Variants in FBXO4 observed in about 807,000 individuals in gnomAD.
FBXO4 encodes the protein F-box only protein 4.
Under a neutral mutation model 43.7 loss-of-function variants are expected in FBXO4, and 36 were observed. The ratio of observed to expected loss-of-function variants is 0.82; its 90% confidence interval spans 0.63 to 1.09. The LOEUF (loss-of-function observed/expected upper bound fraction) is 1.09. Among genes scored for constraint, FBXO4 ranks in the 50% least tolerant of loss-of-function variants. The pLI, the probability that FBXO4 is intolerant of heterozygous loss-of-function variation, is 0.00. For synonymous variants in FBXO4, 180 were observed against 165.6 expected, an observed-to-expected ratio of 1.09 and a Z score of -0.67; for missense variants, 435 against 474.1, an observed-to-expected ratio of 0.92 and a Z score of 0.77.
chr5:42,011,499 T>A, the FBXO4 span, among the ~76,000 whole-genome samples: 6 of 152,218 alleles, frequency 3.9e-5, no homozygotes, highest in Non-Finnish European at 7.3e-5. Context: ...ATACCCAGCT[T>A]CAGGTATTCT....
the FBXO4 span, among the ~76,000 whole-genome samples, chr5:41,958,518 C>G: frequency 6.6e-6 from 1 of 152,168 alleles, no homozygotes; most frequent in African/African-American, 2.4e-5. Flanking sequence ...TCTTGTCTAA[C>G]CGAAATTTTG....
the FBXO4 span, among the ~76,000 whole-genome samples, chr5:41,965,237 A>G: frequency 1.8e-3 from 280 of 152,086 alleles, 1 homozygote; most frequent in Non-Finnish European, 3.1e-3. Context: ...TGTTCCATTG[A>G]TCTATATCTC....
chr5:41,934,221 A>G lies in FBXO4; in HGVS notation c.811A>G (p.Ser271Gly). Residue 271 changes from serine to glycine, a missense_variant, in exon 5 of 7, where the codon AGC becomes GGC. By Grantham distance (56) the Ser-to-Gly change is moderately conservative. Transcript: ENST00000281623. ...RHNEGDDQQGSRYSVIPQIQK... is the reference protein window; with the variant it reads ...RHNEGDDQQGGRYSVIPQIQK... The stretch of plus-strand genomic sequence containing the variant: ...CAATGAAGGTGATGATCAACAAGGA[A>G]GCCGGTACAGTGTGATTCCACAGAT... 6.2e-7 allele frequency: 1 copy of G among 1,614,176 alleles called. No homozygotes were observed. The highest frequency in any genetic ancestry group is 1.1e-5 in the South Asian group (1 of 91,078).
the FBXO4 span, among the ~76,000 whole-genome samples, chr5:41,999,550 T>TAC: frequency 6.0e-5 from 8 of 133,848 alleles, 1 homozygote; most frequent in African/African-American, 2.0e-4. Context: ...TATATGTATA[T>TAC]ATATATATAT....
At chr5:42,022,317 T>C in the FBXO4 span, among the ~76,000 whole-genome samples, 1 of 152,158 alleles carries the variant, frequency 6.6e-6, no homozygotes, top group Non-Finnish European at 1.5e-5. Flanking sequence ...AATTTTATTA[T>C]TGGGCAAAGC....
chr5:42,014,657 A>G, the FBXO4 span, among the ~76,000 whole-genome samples: 1 of 152,144 alleles, frequency 6.6e-6, no homozygotes, highest in Non-Finnish European at 1.5e-5. Flanking sequence ...ACTTAGCTCA[A>G]TGCCTGGCCC....
chr5:41,995,772 C>A, the FBXO4 span, among the ~76,000 whole-genome samples: 1 of 152,202 alleles, frequency 6.6e-6, no homozygotes, highest in East Asian at 1.9e-4. Flanking sequence ...ACCAATTTTC[C>A]AATCATGCTT....
chr5:41,963,310 A>T, the FBXO4 span, among the ~76,000 whole-genome samples: 3 of 152,070 alleles, frequency 2.0e-5, no homozygotes, highest in Non-Finnish European at 4.4e-5. Context: ...TTTTTTTTAA[A>T]TACCTTCGGT....
At chr5:42,015,178 C>A in the FBXO4 span, among the ~76,000 whole-genome samples, 1 of 152,138 alleles carries the variant, frequency 6.6e-6, no homozygotes, top group Non-Finnish European at 1.5e-5. Context: ...CAATTATAAA[C>A]AATTTCACAA....
chr5:42,038,663 A>G, the FBXO4 span, among the ~76,000 whole-genome samples: 3 of 152,184 alleles, frequency 2.0e-5, no homozygotes. Flanking sequence ...ACAATAAATT[A>G]CTGTTAACTA....
the FBXO4 span, among the ~76,000 whole-genome samples, chr5:42,019,272 T>G: frequency 1.3e-5 from 2 of 152,132 alleles, no homozygotes; most frequent in African/African-American, 2.4e-5. Flanking sequence ...AAAGGAGGAA[T>G]GTAAAATAAC....
chr5:41,989,943 G>A, the FBXO4 span, among the ~76,000 whole-genome samples: 7 of 152,248 alleles, frequency 4.6e-5, no homozygotes, highest in African/African-American at 9.6e-5. Flanking sequence ...GGCAGGGACC[G>A]AATATATGCC....
the FBXO4 span, among the ~76,000 whole-genome samples, chr5:42,038,704 G>C: frequency 0.02 from 3,019 of 152,006 alleles, 109 homozygotes; most frequent in African/African-American, 0.069. Flanking sequence ...TAAGTACTAG[G>C]TCTTATTCAT....
At chr5:41,972,592 C>CA in the FBXO4 span, among the ~76,000 whole-genome samples, 1,212 of 151,958 alleles carry the variant, frequency 8.0e-3, 7 homozygotes, top group Middle Eastern at 0.027. Flanking sequence ...CATATGGAAC[C>CA]AAAAAAATAA....
chr5:42,029,288 T>G, the FBXO4 span, among the ~76,000 whole-genome samples: 2 of 152,110 alleles, frequency 1.3e-5, no homozygotes, highest in African/African-American at 4.8e-5. Flanking sequence ...CCTGTAATGT[T>G]TTTACTGAAA....
chr5:42,019,587 T>C, the FBXO4 span, among the ~76,000 whole-genome samples: 7 of 151,608 alleles, frequency 4.6e-5, no homozygotes, highest in Non-Finnish European at 7.4e-5. Flanking sequence ...ACTCAGGAAG[T>C]TGAGACAGCA....
chr5:41,974,270 T>G, the FBXO4 span, among the ~76,000 whole-genome samples: 2 of 152,218 alleles, frequency 1.3e-5, no homozygotes, highest in African/African-American at 4.8e-5. Flanking sequence ...TCATCAATTT[T>G]GGAGAATTCT....
At chr5:41,946,070 A>G (rs1579991516), downstream of FBXO4, among the ~76,000 whole-genome samples, 1 of 152,276 alleles carries the variant, frequency 6.6e-6, no homozygotes, top group South Asian at 2.1e-4. Flanking sequence ...ATCCCTCACT[A>G]ACCTACCCAC....
the FBXO4 span, among the ~76,000 whole-genome samples, chr5:42,019,690 G>A: frequency 1.4e-5 from 2 of 142,936 alleles, no homozygotes; most frequent in East Asian, 2.0e-4. Flanking sequence ...GCAAGACTCC[G>A]TCTCAAAAAA....
Sources: allele counts gnomAD v4.1 joint callset (sites outside exome capture counted in the v4.1 genomes callset), GRCh38; gene constraint gnomAD v4.1.1; transcripts MANE v1.5; gene names NCBI Gene and HGNC (gene_info 2026-07-23, HGNC 2026-07-21).